The following NBR1 variants were observed in gnomAD, a reference collection of about 807,000 sequenced individuals.
The protein encoded by NBR1 is next to BRCA1 gene 1 protein.
NBR1 carries 59 observed loss-of-function variants against 115.5 expected under a neutral mutation model. That is an observed-to-expected ratio of 0.51 (90% CI 0.41 to 0.63). The LOEUF is 0.63. Among genes scored for constraint, NBR1 ranks in the 30% least tolerant of loss-of-function variants. NBR1 has a pLI of 0.00. For missense variants in NBR1, 1,043 were observed against 1,150.5 expected, an observed-to-expected ratio of 0.91 and a Z score of 1.35; for synonymous variants, 373 against 414.7, an observed-to-expected ratio of 0.90 and a Z score of 1.22.
chr17:43,189,689 A>G lies in NBR1; in HGVS notation c.582A>G (p.Glu194=). 1 of 1,613,992 alleles carries G rather than the reference A, an allele frequency of 6.2e-7. No individual in the cohort carries two copies. The change falls in exon 8 of 21, where the codon GAA becomes GAG. Residue 194 remains glutamate (E), a synonymous_variant. Transcript: ENST00000590996. The stretch of plus-strand genomic sequence containing the variant: ...CATCCTTGGGTTCTTGTCCCTCAGA[A>G]GTCTCAATGCCTACTTCAGAAGAAA... ...QNPSLGSCPS[E]VSMPTSEETL...
chr17:43,186,447 A>G lies in NBR1; in HGVS notation c.402+3A>G. On this transcript the variant is annotated splice_donor_region_variant and intron_variant, in intron 6 of 20. Coordinates refer to ENST00000590996, the MANE Select transcript of NBR1 (RefSeq NM_005899.5). ...CCCCAGAGGATCCTGCAGTGCAGGT[A>G]TGAAGGGTATGGCCCAGTCTATCCA... 6.4e-7 allele frequency: 1 copy of G among 1,558,878 alleles called. No homozygotes were observed. Among genetic ancestry groups the G allele is most frequent in the Non-Finnish European group, 8.6e-7 (1 of 1,157,990 alleles).
In NBR1 at chr17:43,191,578, T is replaced by A; in HGVS notation, c.1070T>A (p.Leu357Gln). ...GAGAGCTTGCTCCAGTCTAATACCC[T>A]GATGTAAGCCCAGGACTGGGGTGGG... ...RPESLLQSNTLMLPLQPCTSV... is the reference protein window; with the variant it reads ...RPESLLQSNTQMLPLQPCTSV... The change falls in exon 10 of 21, where the codon CTG (leucine) becomes CAG (glutamine). Residue 357 changes from leucine to glutamine, a missense_variant. By Grantham distance (113) the Leu-to-Gln change is moderately radical (BLOSUM62 -2). Coordinates refer to ENST00000590996, the MANE Select transcript of NBR1 (RefSeq NM_005899.5). The A allele has an allele frequency of 6.2e-7, 1 of 1,606,568 alleles. No homozygotes were observed. Among genetic ancestry groups the A allele is most frequent in the Non-Finnish European group, 8.5e-7 (1 of 1,176,728 alleles).
intron 6 of NBR1, among the ~76,000 whole-genome samples, chr17:43,186,681 C>A (rs1043948681): frequency 6.6e-6 from 1 of 152,068 alleles, no homozygotes; most frequent in Non-Finnish European, 1.5e-5. Context: ...CACCCCACCC[C>A]CTGACAGGCC....
intron 9 of NBR1, 115 bp from the exon 10 acceptor site, chr17:43,191,257 A>G: frequency 1.3e-6 from 1 of 763,964 alleles, no homozygotes; most frequent in Non-Finnish European, 2.1e-6. Context: ...CTAATTCTAA[A>G]ACAAAAAAAG....
intron 13 of NBR1, 34 bp from the exon 14 acceptor site, chr17:43,194,930 A>G: frequency 6.4e-7 from 1 of 1,564,564 alleles, no homozygotes; most frequent in Non-Finnish European, 8.8e-7. Context: ...TCCAGCATGC[A>G]CTCCAAACAG....
chr17:43,197,545 T>C (rs1047854476), intron 16 of NBR1, among the ~76,000 whole-genome samples: 1 of 151,962 alleles, frequency 6.6e-6, no homozygotes, highest in African/African-American at 2.4e-5. Flanking sequence ...ATTCTGATCT[T>C]GTTTGTGTCT....
chr17:43,193,698 C>T, intron 12 of NBR1, 60 bp downstream of exon 12: 1 of 1,504,308 alleles, frequency 6.6e-7, no homozygotes, highest in Non-Finnish European at 8.9e-7. Context: ...GAGGAGATGG[C>T]TAAAACTAAA....
At chr17:43,204,096 C>T (rs1475277883) in intron 20 of NBR1, among the ~76,000 whole-genome samples, 1 of 152,072 alleles carries the variant, frequency 6.6e-6, no homozygotes, top group East Asian at 1.9e-4. Context: ...TGCCACTACA[C>T]CCGGCTAATT....
rs1354998835 is a variant in NBR1, at chr17:43,201,708, C to T, written c.2491C>T (p.His831Tyr). 1 of 1,606,184 alleles carries T rather than the reference C, an allele frequency of 6.2e-7. No homozygotes were observed. Among genetic ancestry groups the T allele is most frequent in the South Asian group, 1.1e-5 (1 of 90,866 alleles). ...LPRSSPCVHH[H>Y]GSPGVDLPVT... ...AAGGAGCTCTCCTTGTGTACATCATCATGGTTCCCCAGGAGTGGATTTACC... is the reference window on the plus strand; with the variant it reads ...AAGGAGCTCTCCTTGTGTACATCATTATGGTTCCCCAGGAGTGGATTTACC... Residue 831 changes from histidine to tyrosine, a missense_variant, in exon 18 of 21, where the codon CAT (histidine) becomes TAT (tyrosine). Transcript: ENST00000590996.
chr17:43,196,375 A>T, intron 14 of NBR1, 106 bp from the exon 15 acceptor site: 1 of 655,502 alleles, frequency 1.5e-6, no homozygotes, highest in Non-Finnish European at 2.5e-6. Flanking sequence ...GGTTTATTTT[A>T]GCCCTGCGGG....
chr17:43,178,278 G>T (rs1249338526), intron 3 of NBR1, among the ~76,000 whole-genome samples: 1 of 151,054 alleles, frequency 6.6e-6, no homozygotes, highest in East Asian at 1.9e-4. Context: ...GAACTCCTGG[G>T]CCCAAGCAGT....
chr17:43,181,028 C>T (rs763280528), intron 5 of NBR1, among the ~76,000 whole-genome samples: 28 of 152,070 alleles, frequency 1.8e-4, no homozygotes, highest in Non-Finnish European at 3.7e-4. Context: ...CACGTCACCA[C>T]GCCCGGCTAA....
At position 43,189,073 on chromosome 17, in the gene NBR1, A is replaced by G. The variant is rs1435147004; in HGVS notation, c.434A>G (p.Gln145Arg). 23 of 1,613,166 alleles carry G rather than the reference A, an allele frequency of 1.4e-5. No individual in the cohort carries two copies. In the African/African-American group the frequency reaches 2.9e-4, roughly 21 times the overall value. Residue 145 changes from glutamine (Q) to arginine (R), a missense_variant, in exon 7 of 21, where the codon CAG becomes CGG. Coordinates refer to ENST00000590996, the MANE Select transcript of NBR1 (RefSeq NM_005899.5). ...CCACTTGTTCCATGTGACACAGACC[A>G]GCCTCAAGACAAGCCCCCAGACTGG... ...SFPLVPCDTDQPQDKPPDWFT... is the reference protein window; with the variant it reads ...SFPLVPCDTDRPQDKPPDWFT...
chr17:43,177,519 G>T (rs2056547630), intron 2 of NBR1, among the ~76,000 whole-genome samples: 1 of 147,626 alleles, frequency 6.8e-6, no homozygotes, highest in Non-Finnish European at 1.5e-5. Flanking sequence ...GACAACACTG[G>T]ATGTTATGGC....
intron 14 of NBR1, 66 bp from the exon 15 acceptor site, chr17:43,196,415 G>A: frequency 1.0e-6 from 1 of 985,904 alleles, no homozygotes; most frequent in South Asian, 1.7e-5. Context: ...TGCTACTTCT[G>A]GACACTGACT....
At chr17:43,177,572 AACACACACACACACACACACACAC>A (rs60320098) in intron 2 of NBR1, among the ~76,000 whole-genome samples, 7 of 131,258 alleles carry the variant, frequency 5.3e-5, no homozygotes, top group African/African-American at 1.2e-4. Context: ...CCCCACCCAA[AACACACACACACACACACACACAC>A]ACACACACAC....
chr17:43,201,653 C>G, intron 17 of NBR1, 33 bp from the exon 18 acceptor site: 1 of 1,369,116 alleles, frequency 7.3e-7, no homozygotes, highest in Non-Finnish European at 1.0e-6. Context: ...AGTGCCTTTT[C>G]AATTTACTTT....
At position 43,209,409 on chromosome 17, in the gene NBR1, A is replaced by C. The variant is rs1305144099; in HGVS notation, c.2728-492A>C. On this transcript the variant is annotated intron_variant, in intron 20 of 20. Coordinates refer to ENST00000590996, the MANE Select transcript of NBR1 (RefSeq NM_005899.5). ...CTATTCTTTTGGAGGAGAAAAAATCAAGAAGCCTTCCCAGGTTGTAATTTC... is the reference window on the plus strand; with the variant it reads ...CTATTCTTTTGGAGGAGAAAAAATCCAGAAGCCTTCCCAGGTTGTAATTTC... 2.0e-5 allele frequency: 13 copies of C among 653,594 alleles called. No individual in the cohort carries two copies. The East Asian group carries it at 2.8e-4, about 14-fold the overall frequency. The allele number at this position is 653,594 out of a possible 1,614,324, so 40.5% of individuals were successfully genotyped here.
chr17:43,209,247 T>G (rs2057372516), intron 20 of NBR1, among the ~76,000 whole-genome samples: 3 of 152,024 alleles, frequency 2.0e-5, no homozygotes, highest in Admixed American at 2.0e-4. Context: ...TGGCTAATTT[T>G]TTGTATTTTT....
Sources: gnomAD v4.1 joint callset for allele counts (sites outside exome capture counted in the v4.1 genomes callset) on GRCh38, gnomAD v4.1.1 for gene constraint, MANE v1.5 for transcripts, NCBI Gene and HGNC (gene_info 2026-07-23, HGNC 2026-07-21) for gene names.